The following ZNF571 variants were observed in gnomAD, a reference collection of about 807,000 sequenced individuals.
ZNF571 encodes zinc finger protein 571.
In ZNF571, 4 loss-of-function variants were observed where a neutral mutation model predicts 7.7. That is an observed-to-expected ratio of 0.52 (90% CI 0.25 to 1.18). The LOEUF is 1.18. ZNF571 is among the 50% of genes most tolerant of loss of function. ZNF571 has a pLI of 0.14. For missense variants in ZNF571, 704 were observed against 726.9 expected (o/e 0.97, Z 0.36); for synonymous variants, 251 against 232.4 (o/e 1.08, Z -0.73).
intron 3 of ZNF571, among the ~76,000 whole-genome samples, chr19:37,581,450 A>ATTTC (rs767046208): frequency 4.2e-5 from 6 of 144,328 alleles, no homozygotes; most frequent in South Asian, 2.2e-4. Flanking sequence ...TTTTATCTCC[A>ATTTC]TTTCTTTCTT....
intron 2 of ZNF571, among the ~76,000 whole-genome samples, chr19:37,584,615 A>T (rs1449969028): frequency 6.6e-6 from 1 of 152,192 alleles, no homozygotes; most frequent in Non-Finnish European, 1.5e-5. Flanking sequence ...AACAGAATGG[A>T]CATATTTCCA....
At chr19:37,591,897 T>C (rs1474307812) in intron 1 of ZNF571, among the ~76,000 whole-genome samples, 1 of 152,158 alleles carries the variant, frequency 6.6e-6, no homozygotes, top group African/African-American at 2.4e-5. Context: ...TTCTTATATA[T>C]AGAAGAACTG....
Position 37,564,693 on chromosome 19 carries a change from T to A in ZNF571, c.1735A>T (p.Ile579Phe). 6.2e-7 allele frequency: 1 copy of A among 1,613,612 alleles called. No homozygotes were observed. Among genetic ancestry groups the A allele is most frequent in the South Asian group, 1.1e-5 (1 of 91,070 alleles). The change falls in exon 4 of 4, where the codon ATC becomes TTC. Residue 579 changes from isoleucine (I) to phenylalanine (F), a missense_variant. Transcript: ENST00000451802. ...RGSELTLHQR[I>F]HTGEKPYTCV... ...GTATAGGGTTTCTCACCAGTATGGATCCTTTGATGCAGAGTAAGTTCTGAG... is the reference window on the plus strand; with the variant it reads ...GTATAGGGTTTCTCACCAGTATGGAACCTTTGATGCAGAGTAAGTTCTGAG...
Position 37,569,232 on chromosome 19 carries a change from C to T in ZNF571, c.137-2941G>A, listed in dbSNP as rs1178507007. Among the ~76,000 whole-genome samples, 2 of 152,130 alleles carry T rather than the reference C, an allele frequency of 1.3e-5. No individual in the cohort carries two copies. The highest frequency in any genetic ancestry group is 2.9e-5 in the Non-Finnish European group (2 of 68,024). On this transcript the variant is annotated intron_variant, in intron 3 of 3. Coordinates refer to ENST00000451802, the MANE Select transcript of ZNF571 (RefSeq NM_016536.5). The surrounding 1 kb of genome is among the most constrained non-coding windows in gnomAD (Gnocchi z 4.4). ...ACTCCCACAGCACTAGGATTACAGG[C>T]ATGAGTCACTGCGCCTGGCCCCAAA...
At chr19:37,579,864 T>A (rs1349260132) in intron 3 of ZNF571, among the ~76,000 whole-genome samples, 1 of 152,190 alleles carries the variant, frequency 6.6e-6, no homozygotes, top group Non-Finnish European at 1.5e-5. Flanking sequence ...GATCCAATTT[T>A]AGGCCAACAT....
chr19:37,586,373 A>T (rs1441218520), intron 2 of ZNF571: 1 of 426,764 alleles, frequency 2.3e-6, no homozygotes, highest in Non-Finnish European at 4.2e-6. Context: ...CCGTGGTACT[A>T]ATGTGTACCA....
At chr19:37,578,776 G>A (rs1329311924) in intron 3 of ZNF571, among the ~76,000 whole-genome samples, 1 of 152,066 alleles carries the variant, frequency 6.6e-6, no homozygotes, top group African/African-American at 2.4e-5. Flanking sequence ...CCTCTGAGGC[G>A]GCTAAGGCTC....
At chr19:37,573,000 C>T (rs769729245) in intron 3 of ZNF571, among the ~76,000 whole-genome samples, 1 of 152,176 alleles carries the variant, frequency 6.6e-6, no homozygotes, top group Non-Finnish European at 1.5e-5. Flanking sequence ...TAGCTTCTTT[C>T]ATCACATGAT....
chr19:37,571,152 C>T (rs1378056059), intron 3 of ZNF571, among the ~76,000 whole-genome samples: 1 of 152,060 alleles, frequency 6.6e-6, no homozygotes, highest in Non-Finnish European at 1.5e-5. Context: ...TTTATAGGAG[C>T]CCTAATAACT....
intron 3 of ZNF571, 77 bp downstream of exon 3, chr19:37,583,894 T>C (rs2043565268): frequency 2.1e-6 from 3 of 1,449,930 alleles, no homozygotes; most frequent in East Asian, 2.3e-5. Context: ...CCTTAGGGAA[T>C]GGAGATCAGA....
intron 3 of ZNF571, among the ~76,000 whole-genome samples, chr19:37,582,120 G>A (rs2043491509): frequency 6.6e-6 from 1 of 151,950 alleles, no homozygotes; most frequent in Non-Finnish European, 1.5e-5. Context: ...TCCTCAAATG[G>A]GCCTTCAACA....
At chr19:37,578,963 C>T (rs1449044174) in intron 3 of ZNF571, among the ~76,000 whole-genome samples, 3 of 152,026 alleles carry the variant, frequency 2.0e-5, no homozygotes, top group Non-Finnish European at 2.9e-5. Flanking sequence ...AGGGCAAGCG[C>T]GCCACGTGCT....
At position 37,586,729 on chromosome 19, in the gene ZNF571, G is replaced by C; in HGVS notation, c.-53C>G. On this transcript the variant is annotated 5_prime_UTR_variant, in exon 2 of 4. Coordinates refer to ENST00000451802, the MANE Select transcript of ZNF571 (RefSeq NM_016536.5). The stretch of plus-strand genomic sequence containing the variant: ...GGTTCTTCTCCTGGAGGTGTGCAAA[G>C]TCCAGAGAAGCCAGTGCTGGACAAG... The C allele has an allele frequency of 6.2e-7, 1 of 1,609,368 alleles. No homozygotes were observed. The highest frequency in any genetic ancestry group is 1.1e-5 in the South Asian group (1 of 90,510).
chr19:37,565,324 G>A lies in ZNF571; in HGVS notation c.1104C>T (p.Cys368=), dbSNP rs138259351. ...TGEKPYECKE[C]GKTFFRGSQL... Reference sequence around the variant, plus strand: ...GTGAGCCACGAAAAAAGGTCTTCCCGCATTCTTTACATTCATAGGGTTTCT... The same window carrying A: ...GTGAGCCACGAAAAAAGGTCTTCCCACATTCTTTACATTCATAGGGTTTCT... The change falls in exon 4 of 4, where the codon TGC becomes TGT. Residue 368 remains cysteine, a synonymous_variant. Coordinates refer to ENST00000451802, the MANE Select transcript of ZNF571 (RefSeq NM_016536.5). The A allele has an allele frequency of 9.6e-5, 154 of 1,611,300 alleles. No homozygotes were observed. The East Asian group carries it at 2.4e-3, about 25-fold the overall frequency.
At chr19:37,591,285 T>C (rs1241438226) in intron 1 of ZNF571, among the ~76,000 whole-genome samples, 1 of 152,320 alleles carries the variant, frequency 6.6e-6, no homozygotes, top group South Asian at 2.1e-4. Flanking sequence ...TCATTTGTTC[T>C]GCCAGAAAGC....
chr19:37,593,507 T>C (rs1454280278), intron 1 of ZNF571, among the ~76,000 whole-genome samples: 1 of 152,028 alleles, frequency 6.6e-6, no homozygotes, highest in Non-Finnish European at 1.5e-5. Flanking sequence ...ATCGAGACCA[T>C]CCTGGCTAAC....
intron 3 of ZNF571, chr19:37,583,682 G>T (rs2043556013): frequency 8.4e-6 from 2 of 237,028 alleles, no homozygotes; most frequent in Non-Finnish European, 1.6e-5. Context: ...TTGGCTTAGG[G>T]ACTGCACATA....
At chr19:37,580,699 T>C (rs1305432825) in intron 3 of ZNF571, among the ~76,000 whole-genome samples, 1 of 152,102 alleles carries the variant, frequency 6.6e-6, no homozygotes, top group Non-Finnish European at 1.5e-5. Flanking sequence ...AGCTGGTTTT[T>C]AAAAAAGCCT....
At chr19:37,581,089 T>C (rs1227302006) in intron 3 of ZNF571, among the ~76,000 whole-genome samples, 1 of 152,172 alleles carries the variant, frequency 6.6e-6, no homozygotes, top group Non-Finnish European at 1.5e-5. Context: ...TTAAAATCCA[T>C]CACCAAAGAA....
Sources: gnomAD v4.1 joint callset for allele counts (sites outside exome capture counted in the v4.1 genomes callset) on GRCh38, gnomAD v4.1.1 for gene constraint, Gnocchi (gnomAD v3.1) non-coding constraint, MANE v1.5 for transcripts, NCBI Gene and HGNC (gene_info 2026-07-23, HGNC 2026-07-21) for gene names.